Variants in KLF8 observed in about 807,000 individuals in gnomAD.
KLF8 encodes Krueppel-like factor 8.
A neutral mutation model predicts 18.2 loss-of-function variants in KLF8; 10 were observed. The ratio of observed to expected loss-of-function variants is 0.55; its 90% confidence interval spans 0.34 to 0.93. The LOEUF (loss-of-function observed/expected upper bound fraction) is 0.93. Among genes scored for constraint, KLF8 ranks in the 40% least tolerant of loss-of-function variants. The probability of loss-of-function intolerance (pLI) is 0.02; values close to 1 mark genes in which losing one functional copy is unlikely to be tolerated. For missense variants in KLF8, 264 were observed against 277.9 expected, an observed-to-expected ratio of 0.95 and a Z score of 0.36; for synonymous variants, 109 against 97.3, an observed-to-expected ratio of 1.12 and a Z score of -0.71.
chrX:55,924,277 C>T, the KLF8 span, among the ~76,000 whole-genome samples: 1 of 110,971 alleles, frequency 9.0e-6, no homozygotes, highest in Non-Finnish European at 1.9e-5. Flanking sequence ...CCGGGTTTCA[C>T]TATGTTAGGC....
the KLF8 span, among the ~76,000 whole-genome samples, chrX:56,207,279 G>A: frequency 8.9e-6 from 1 of 112,500 alleles, no homozygotes; most frequent in Non-Finnish European, 1.9e-5. Flanking sequence ...TCTGCAGCTG[G>A]CTTGAATTTC....
At chrX:56,078,177 C>T in the KLF8 span, among the ~76,000 whole-genome samples, 2 of 111,536 alleles carry the variant, frequency 1.8e-5, no homozygotes, top group Non-Finnish European at 3.8e-5. Flanking sequence ...TCCAACAGTA[C>T]GTTGAATAGG....
the KLF8 span, among the ~76,000 whole-genome samples, chrX:55,954,004 AG>A: frequency 2.0e-4 from 22 of 109,825 alleles, no homozygotes; most frequent in East Asian, 4.8e-3. Flanking sequence ...AAGAAACTCA[AG>A]TAAGTGAAAT....
At chrX:56,053,787 A>G in the KLF8 span, among the ~76,000 whole-genome samples, 2 of 109,202 alleles carry the variant, frequency 1.8e-5, no homozygotes, top group South Asian at 3.9e-4. Flanking sequence ...CTTTTTATTT[A>G]TATGCATTGT....
chrX:56,108,491 T>A, the KLF8 span, among the ~76,000 whole-genome samples: 1 of 112,281 alleles, frequency 8.9e-6, no homozygotes, highest in African/African-American at 3.2e-5. Context: ...TATGTGTATA[T>A]ATGTGGTATA....
the KLF8 span, among the ~76,000 whole-genome samples, chrX:55,947,415 C>A: frequency 9.7e-6 from 1 of 102,989 alleles, no homozygotes; most frequent in African/African-American, 3.6e-5. Flanking sequence ...CATATTCTCA[C>A]TCATAGGTGG....
the KLF8 span, among the ~76,000 whole-genome samples, chrX:56,150,988 C>T: frequency 9.0e-6 from 1 of 111,481 alleles, no homozygotes; most frequent in East Asian, 2.8e-4. Flanking sequence ...GATTAGTAAT[C>T]TAGGCTAAAC....
At chrX:56,048,710 C>T in the KLF8 span, among the ~76,000 whole-genome samples, 1 of 111,713 alleles carries the variant, frequency 9.0e-6, no homozygotes, top group East Asian at 2.8e-4. Flanking sequence ...ATGATGCCTC[C>T]AGCTTTGTTC....
chrX:56,076,897 G>A, the KLF8 span, among the ~76,000 whole-genome samples: 10 of 112,056 alleles, frequency 8.9e-5, no homozygotes, highest in Middle Eastern at 8.4e-3. Flanking sequence ...GCCAGTGATG[G>A]TGAGCATTTT....
At chrX:56,116,873 C>A in the KLF8 span, among the ~76,000 whole-genome samples, 1 of 110,227 alleles carries the variant, frequency 9.1e-6, no homozygotes, top group African/African-American at 3.3e-5. Context: ...AATACCTTAA[C>A]AGTTCATAAA....
At chrX:56,100,879 A>T in the KLF8 span, among the ~76,000 whole-genome samples, 1 of 112,399 alleles carries the variant, frequency 8.9e-6, no homozygotes, top group Non-Finnish European at 1.9e-5. Flanking sequence ...CACATATCAT[A>T]AACATCATAC....
chrX:56,019,368 T>C, the KLF8 span, among the ~76,000 whole-genome samples: 1 of 112,472 alleles, frequency 8.9e-6, no homozygotes, highest in Admixed American at 9.4e-5. Context: ...AGAATCTTCC[T>C]TTCAGAGAGT....
At chrX:56,105,867 T>G in the KLF8 span, among the ~76,000 whole-genome samples, 1 of 111,879 alleles carries the variant, frequency 8.9e-6, no homozygotes. Flanking sequence ...TGTTGTTCCT[T>G]TCCATGTTTA....
the KLF8 span, among the ~76,000 whole-genome samples, chrX:56,140,851 C>A: frequency 9.3e-6 from 1 of 107,316 alleles, no homozygotes; most frequent in East Asian, 2.9e-4. Context: ...TACCCACCAA[C>A]TGTGCATGTG....
chrX:56,114,726 G>A, the KLF8 span, among the ~76,000 whole-genome samples: 1 of 112,985 alleles, frequency 8.9e-6, no homozygotes, highest in Admixed American at 9.3e-5. Flanking sequence ...AAATATTTTA[G>A]TTAGTTGTTT....
chrX:56,198,938 C>T, the KLF8 span, among the ~76,000 whole-genome samples: 2 of 111,394 alleles, frequency 1.8e-5, no homozygotes, highest in Non-Finnish European at 3.8e-5. Context: ...TAACACCACA[C>T]ATCTACCACC....
chrX:56,126,823 G>A, the KLF8 span, among the ~76,000 whole-genome samples: 1 of 102,346 alleles, frequency 9.8e-6, no homozygotes, highest in Admixed American at 1.1e-4. Flanking sequence ...CACGATCTTG[G>A]CTCACTGCAA....
chrX:56,143,124 C>T, the KLF8 span, among the ~76,000 whole-genome samples: 8 of 111,364 alleles, frequency 7.2e-5, no homozygotes, highest in South Asian at 3.8e-4. Context: ...TCATCTTTTG[C>T]GACTCTTCCC....
the KLF8 span, among the ~76,000 whole-genome samples, chrX:56,204,800 T>A: frequency 9.0e-6 from 1 of 111,070 alleles, no homozygotes; most frequent in East Asian, 2.8e-4. Context: ...CCCCATAGTA[T>A]GACATTAAAC....
Sources: gnomAD v4.1 joint callset for allele counts (sites outside exome capture counted in the v4.1 genomes callset) on GRCh38, gnomAD v4.1.1 for gene constraint, MANE v1.5 for transcripts, NCBI Gene and HGNC (gene_info 2026-07-23, HGNC 2026-07-21) for gene names.